Variants in PDGFD observed in about 807,000 individuals in gnomAD.
The protein encoded by PDGFD is platelet derived growth factor D, also known as platelet-derived growth factor D.
In PDGFD, 30 loss-of-function variants were observed where a neutral mutation model predicts 44.7. That is an observed-to-expected ratio of 0.67 (90% confidence interval 0.50 to 0.91). The LOEUF (loss-of-function observed/expected upper bound fraction) is 0.91, where lower values mean the gene tolerates loss of function less well. PDGFD is among the 40% of genes least tolerant of loss of function. The pLI is 0.00. For missense variants in PDGFD, 445 were observed against 457.8 expected, an observed-to-expected ratio of 0.97 and a Z score of 0.25; for synonymous variants, 173 against 168.4, an observed-to-expected ratio of 1.03 and a Z score of -0.21.
At chr11:104,126,543 A>G (rs1861843659) in intron 1 of PDGFD, among the ~76,000 whole-genome samples, 1 of 152,174 alleles carries the variant, frequency 6.6e-6, no homozygotes, top group Non-Finnish European at 1.5e-5. Context: ...ATGACTTACT[A>G]TGTGCTAGGC....
intron 1 of PDGFD, among the ~76,000 whole-genome samples, chr11:104,088,170 C>G (rs1224106461): frequency 3.3e-5 from 5 of 152,218 alleles, no homozygotes; most frequent in Non-Finnish European, 7.3e-5. Flanking sequence ...TCTGGTTTCT[C>G]TCTGTGCCAC....
chr11:104,053,900 TAA>T (rs1253019344), intron 1 of PDGFD, among the ~76,000 whole-genome samples: 4 of 152,158 alleles, frequency 2.6e-5, no homozygotes, highest in African/African-American at 9.7e-5. Context: ...AAAACAGAGA[TAA>T]GAGACATTTA....
intron 6 of PDGFD, among the ~76,000 whole-genome samples, chr11:103,926,337 CCTA>C (rs1858314489): frequency 6.6e-6 from 1 of 152,110 alleles, no homozygotes; most frequent in African/African-American, 2.4e-5. Flanking sequence ...TTTTGTTCCT[CCTA>C]TATTCTTTTA....
intron 1 of PDGFD, among the ~76,000 whole-genome samples, chr11:104,079,744 C>T (rs1861016867): frequency 6.6e-6 from 1 of 151,886 alleles, no homozygotes; most frequent in Non-Finnish European, 1.5e-5. Flanking sequence ...TCTAGTTTTA[C>T]CAATACATCT....
At chr11:104,062,839 T>C (rs361260) in intron 1 of PDGFD, among the ~76,000 whole-genome samples, 67,193 of 152,066 alleles carry the variant, frequency 0.44, 15,842 homozygotes, top group African/African-American at 0.61. Flanking sequence ...AATTTGATGA[T>C]CAGATATGCA....
chr11:103,972,374 G>A (rs1163681914), intron 3 of PDGFD, among the ~76,000 whole-genome samples: 3 of 152,144 alleles, frequency 2.0e-5, no homozygotes, highest in Non-Finnish European at 4.4e-5. Context: ...ACCCCTGGCT[G>A]AGAACCACTG....
intron 2 of PDGFD, among the ~76,000 whole-genome samples, chr11:103,996,486 C>T (rs1859535922): frequency 6.6e-6 from 1 of 152,146 alleles, no homozygotes; most frequent in Admixed American, 6.5e-5. Context: ...GTTCCTAAAT[C>T]TTCAATAATC....
chr11:103,951,205 T>A (rs910770280), intron 3 of PDGFD, among the ~76,000 whole-genome samples: 1 of 152,206 alleles, frequency 6.6e-6, no homozygotes, highest in African/African-American at 2.4e-5. Flanking sequence ...ATAGATGACA[T>A]ATTTAAATTA....
At chr11:103,957,373 G>A (rs1286472077) in intron 3 of PDGFD, among the ~76,000 whole-genome samples, 5 of 152,086 alleles carry the variant, frequency 3.3e-5, no homozygotes, top group Admixed American at 6.6e-5. Flanking sequence ...CTACTTTAAA[G>A]TTCATGTGGA....
At chr11:103,949,247 C>T (rs1858712863) in intron 3 of PDGFD, among the ~76,000 whole-genome samples, 1 of 152,048 alleles carries the variant, frequency 6.6e-6, no homozygotes, top group Non-Finnish European at 1.5e-5. Flanking sequence ...AGGTGATCTA[C>T]CCACCTCGGC....
intron 1 of PDGFD, among the ~76,000 whole-genome samples, chr11:104,073,650 A>G (rs1302201008): frequency 2.0e-5 from 3 of 152,216 alleles, no homozygotes; most frequent in Non-Finnish European, 4.4e-5. Context: ...GTATTACTCC[A>G]TCAGGGATTA....
intron 3 of PDGFD, among the ~76,000 whole-genome samples, chr11:103,994,730 A>T (rs1315805475): frequency 6.6e-6 from 1 of 152,126 alleles, no homozygotes; most frequent in Non-Finnish European, 1.5e-5. Context: ...GTGAAAATTG[A>T]TCCTAAAAGG....
intron 1 of PDGFD, among the ~76,000 whole-genome samples, chr11:104,066,547 G>C (rs577826913): frequency 5.5e-4 from 84 of 152,154 alleles, no homozygotes; most frequent in Non-Finnish European, 8.7e-4. Flanking sequence ...TTATACAGTA[G>C]GGAATAAATT....
intron 1 of PDGFD, among the ~76,000 whole-genome samples, chr11:104,099,760 G>C (rs557727191): frequency 6.6e-6 from 1 of 151,308 alleles, no homozygotes; most frequent in African/African-American, 2.4e-5. Context: ...TGAAATTTTG[G>C]TTAAATCAAA....
intron 3 of PDGFD, among the ~76,000 whole-genome samples, chr11:103,988,849 C>A (rs1459555956): frequency 6.6e-6 from 1 of 152,110 alleles, no homozygotes; most frequent in African/African-American, 2.4e-5. Context: ...GATAATGCAG[C>A]TTTAAATTCT....
chr11:104,045,521 A>G (rs1025008332), intron 1 of PDGFD, among the ~76,000 whole-genome samples: 6 of 152,070 alleles, frequency 3.9e-5, no homozygotes, highest in Non-Finnish European at 8.8e-5. Flanking sequence ...AAATGAGAGC[A>G]TGGGATACTC....
intron 4 of PDGFD, chr11:103,946,567 A>T (rs1200564418): frequency 1.3e-5 from 2 of 152,198 alleles, no homozygotes; most frequent in Admixed American, 6.5e-5. Context: ...AAGGTTGCAA[A>T]AACTGCTGGT....
chr11:104,037,284 C>T (rs1274533976), intron 1 of PDGFD: 1 of 1,613,386 alleles, frequency 6.2e-7, no homozygotes, highest in Admixed American at 1.7e-5. Flanking sequence ...TCTCCAACCC[C>T]CACGATCTGT....
intron 3 of PDGFD, among the ~76,000 whole-genome samples, chr11:103,961,815 A>G (rs1288308611): frequency 6.6e-6 from 1 of 152,184 alleles, no homozygotes; most frequent in African/African-American, 2.4e-5. Context: ...CATACAGGAA[A>G]CAGCCCCAAA....
Sources: allele counts gnomAD v4.1 joint callset (sites outside exome capture counted in the v4.1 genomes callset), GRCh38; gene constraint gnomAD v4.1.1; transcripts MANE v1.5; gene names NCBI Gene and HGNC (gene_info 2026-07-23, HGNC 2026-07-21).